NAV1: variants seen among roughly 807,000 people sequenced by gnomAD.
The protein encoded by NAV1 is neuron navigator 1, also known as pore membrane and/or filament interacting like protein 3.
A neutral mutation model predicts 175.2 loss-of-function variants in NAV1; 18 were observed. The ratio of observed to expected loss-of-function variants is 0.10; its 90% confidence interval spans 0.07 to 0.15. The LOEUF is 0.15. Among genes scored for constraint, NAV1 ranks in the 10% least tolerant of loss-of-function variants. The probability of loss-of-function intolerance (pLI) is 1.00; values close to 1 mark genes in which losing one functional copy is unlikely to be tolerated. For synonymous variants in NAV1, 897 were observed against 978.7 expected (o/e 0.92, Z 1.56); for missense variants, 1,731 against 2,436.6 (o/e 0.71, Z 6.10).
intron 3 of NAV1, among the ~76,000 whole-genome samples, chr1:201,748,737 G>T (rs1427251493): frequency 1.3e-5 from 2 of 152,194 alleles, no homozygotes. Flanking sequence ...AGACAGTGGA[G>T]CCTATAGGAG....
chr1:201,754,680 G>A (rs988327599), intron 3 of NAV1, among the ~76,000 whole-genome samples: 2 of 152,166 alleles, frequency 1.3e-5, no homozygotes, highest in African/African-American at 4.8e-5. Context: ...GAGGCAGCAG[G>A]ATCAAACTAG....
chr1:201,566,834 A>C (rs924033423), intron 1 of NAV1, among the ~76,000 whole-genome samples: 1 of 151,926 alleles, frequency 6.6e-6, no homozygotes, highest in African/African-American at 2.4e-5. Context: ...TCTACCTGAG[A>C]TCATACTCGG....
intron 3 of NAV1, among the ~76,000 whole-genome samples, chr1:201,721,697 C>T (rs961182053): frequency 1.3e-5 from 2 of 152,248 alleles, no homozygotes; most frequent in Non-Finnish European, 2.9e-5. Flanking sequence ...CCATCAGCCT[C>T]GGCCCACTGC....
At chr1:201,702,852 C>T (rs1488792427) in intron 1 of NAV1, among the ~76,000 whole-genome samples, 3 of 152,156 alleles carry the variant, frequency 2.0e-5, no homozygotes, top group African/African-American at 7.2e-5. Context: ...TCAACCTCCC[C>T]AGGCTTCCGT....
chr1:201,824,892 T>G (rs1372733701), exon 30 of NAV1: 2 of 152,132 alleles, frequency 1.3e-5, no homozygotes, highest in Non-Finnish European at 2.9e-5. Flanking sequence ...GACCCGGCAA[T>G]CCACGTTTTA....
upstream of NAV1, among the ~76,000 whole-genome samples, chr1:201,622,683 C>T (rs1200664902): frequency 6.6e-6 from 1 of 152,138 alleles, no homozygotes; most frequent in Non-Finnish European, 1.5e-5. Flanking sequence ...GGGATTTGCC[C>T]AGAGTCCAGC....
At chr1:201,802,080 T>G in intron 15 of NAV1, among the ~76,000 whole-genome samples, 1 of 120,408 alleles carries the variant, frequency 8.3e-6, no homozygotes, top group Non-Finnish European at 1.7e-5. Flanking sequence ...GAGCTTGCAG[T>G]GAGCCGAGAT....
chr1:201,542,077 G>A (rs979733238), intron 1 of NAV1, among the ~76,000 whole-genome samples: 37 of 152,166 alleles, frequency 2.4e-4, no homozygotes, highest in African/African-American at 8.9e-4. Context: ...CCCCTTTACA[G>A]GCAAGAATCA....
chr1:201,819,629 C>T (rs555906263), intron 29 of NAV1, among the ~76,000 whole-genome samples: 23 of 152,154 alleles, frequency 1.5e-4, no homozygotes, highest in Admixed American at 1.4e-3. Context: ...TGCCACCACG[C>T]CTGGCCAGTT....
intron 1 of NAV1, among the ~76,000 whole-genome samples, chr1:201,540,728 C>G (rs1039605848): frequency 1.3e-5 from 2 of 152,212 alleles, no homozygotes; most frequent in African/African-American, 4.8e-5. Flanking sequence ...CTAAGATGAG[C>G]TTCCTAGTAG....
intron 3 of NAV1, among the ~76,000 whole-genome samples, chr1:201,743,685 A>G (rs1673579030): frequency 6.6e-6 from 1 of 151,926 alleles, no homozygotes; most frequent in Non-Finnish European, 1.5e-5. Flanking sequence ...TCTTACTAGG[A>G]CTCTAATGAG....
intron 13 of NAV1, 134 bp downstream of exon 17, chr1:201,790,900 G>A (rs1677072441): frequency 2.7e-6 from 2 of 751,130 alleles, no homozygotes; most frequent in Non-Finnish European, 4.4e-6. Flanking sequence ...CTTCTTCACA[G>A]CTCTATGATA....
chr1:201,782,446 G>A lies in NAV1; in HGVS notation c.1934G>A (p.Arg645His), dbSNP rs766211014. 102 of 1,613,970 alleles carry A rather than the reference G, an allele frequency of 6.3e-5. No homozygotes were observed. The highest frequency in any genetic ancestry group is 8.3e-5 in the Non-Finnish European group (98 of 1,179,958). The change falls in exon 6 of 30, where the codon CGC becomes CAC. Residue 645 changes from arginine (R) to histidine (H), a missense_variant. Coordinates refer to ENST00000367296, the Ensembl canonical transcript of NAV1. This position sits in a 1 kb window ranked among gnomAD's most constrained non-coding sequence, Gnocchi z 5.4. Reference sequence around the variant, plus strand: ...ATCCCTGTCAAGCCAGTAAATGGGCGCAAGACTAGCTTAGATGTTTCCAAC... The same window carrying A: ...ATCCCTGTCAAGCCAGTAAATGGGCACAAGACTAGCTTAGATGTTTCCAAC...
Position 201,786,535 on chromosome 1 carries a change from C to T in NAV1, c.2953C>T (p.Leu985Phe), listed in dbSNP as rs559557201. 1.9e-5 allele frequency: 31 copies of T among 1,613,976 alleles called. No homozygotes were observed. The highest frequency in any genetic ancestry group is 1.7e-4 in the African/African-American group (13 of 75,064). Residue 985 changes from leucine to phenylalanine, a missense_variant, in exon 9 of 30, where the codon CTT (leucine) becomes TTT (phenylalanine). This residue lies in a region of NAV1 where 634 missense variants were observed against 766.8 expected (regional missense o/e 0.83). Coordinates refer to ENST00000367296, the Ensembl canonical transcript of NAV1. ...GTCAGAGCTGCCTTCTCCCCCTGCACTTCCCATGTCTCTGAGTGCAAAGGG... is the reference window on the plus strand; with the variant it reads ...GTCAGAGCTGCCTTCTCCCCCTGCATTTCCCATGTCTCTGAGTGCAAAGGG...
chr1:201,715,214 T>C (rs1364220294), intron 2 of NAV1, among the ~76,000 whole-genome samples: 1 of 148,176 alleles, frequency 6.7e-6, no homozygotes, highest in Non-Finnish European at 1.5e-5. Context: ...CAGGCTGGAG[T>C]GCCTTGGCAT....
intron 2 of NAV1, among the ~76,000 whole-genome samples, chr1:201,616,345 G>T (rs2102265696): frequency 6.6e-6 from 1 of 152,246 alleles, no homozygotes; most frequent in South Asian, 2.1e-4. Flanking sequence ...GGCATGAGGA[G>T]TTCTACCATC....
chr1:201,614,441 G>A (rs1392877479), intron 2 of NAV1, among the ~76,000 whole-genome samples: 2 of 152,198 alleles, frequency 1.3e-5, no homozygotes, highest in Non-Finnish European at 2.9e-5. Context: ...ACTTGCGACT[G>A]GCCAGTTCTC....
chr1:201,631,942 G>A (rs951534121), intron 2 of NAV1, among the ~76,000 whole-genome samples: 1 of 152,128 alleles, frequency 6.6e-6, no homozygotes, highest in Admixed American at 6.5e-5. Context: ...GTGAAGGTAT[G>A]ATTTGAATGA....
At chr1:201,615,855 T>G (rs941240683) in intron 2 of NAV1, among the ~76,000 whole-genome samples, 9 of 152,188 alleles carry the variant, frequency 5.9e-5, no homozygotes, top group African/African-American at 2.2e-4. Flanking sequence ...GTGTGAAGCA[T>G]GGACAATGTT....
Sources: gnomAD v4.1 joint callset for allele counts (sites outside exome capture counted in the v4.1 genomes callset) on GRCh38, gnomAD v4.1.1 for gene constraint, gnomAD v4.1.1 regional missense constraint, Gnocchi (gnomAD v3.1) non-coding constraint, MANE v1.5 for transcripts, NCBI Gene and HGNC (gene_info 2026-07-23, HGNC 2026-07-21) for gene names.